The following THRB variants were observed in gnomAD, a reference collection of about 807,000 sequenced individuals.
THRB encodes the protein thyroid hormone receptor beta.
In THRB, 12 loss-of-function variants were observed where a neutral mutation model predicts 47.8. The ratio of observed to expected loss-of-function variants is 0.25; its 90% confidence interval spans 0.16 to 0.41. THRB has a LOEUF of 0.41. THRB is among the 10% of genes least tolerant of loss of function. The pLI is 1.00. For synonymous variants in THRB, 218 were observed against 212.2 expected (o/e 1.03, Z -0.24); for missense variants, 348 against 589.2 (o/e 0.59, Z 4.24).
rs757297591 is a variant in THRB at position 24,165,148 on chromosome 3, C to G, written c.284-12658G>C. The G allele has an allele frequency of 2.1e-5, 16 of 764,966 alleles. No homozygotes were observed. The East Asian group carries it at 3.9e-4, about 19-fold the overall frequency. 47.4% of individuals were successfully genotyped at this position (764,966 alleles called of 1,614,324 possible). ...CCAAGTCAGAGTCCTTGCTTTTAAA[C>G]ATGTTTCCAGGGTAACTACAGGTAT... On this transcript the variant is annotated intron_variant, in intron 5 of 10. Transcript: ENST00000646209.
intron 1 of THRB, among the ~76,000 whole-genome samples, chr3:24,395,617 T>C (rs2066898785): frequency 6.6e-6 from 1 of 151,946 alleles, no homozygotes; most frequent in Non-Finnish European, 1.5e-5. Context: ...TAAAAACAAG[T>C]GTTGGCAAGG....
intron 1 of THRB, among the ~76,000 whole-genome samples, chr3:24,410,124 C>G (rs2068160315): frequency 6.6e-6 from 1 of 151,780 alleles, no homozygotes; most frequent in Non-Finnish European, 1.5e-5. Context: ...CTATGCCTTT[C>G]TTGATAAGCC....
intron 1 of THRB, among the ~76,000 whole-genome samples, chr3:24,438,411 A>T (rs2071187535): frequency 6.6e-6 from 1 of 152,152 alleles, no homozygotes; most frequent in Non-Finnish European, 1.5e-5. Context: ...TAACCTGAAA[A>T]GCCCCTAGAA....
chr3:24,132,104 T>G (rs1047786015), intron 9 of THRB, among the ~76,000 whole-genome samples: 1 of 152,102 alleles, frequency 6.6e-6, no homozygotes, highest in African/African-American at 2.4e-5. Context: ...TATTGCAAAC[T>G]CAAAGACAGA....
At chr3:24,245,449 T>G (rs1292339853) in intron 3 of THRB, among the ~76,000 whole-genome samples, 4 of 152,078 alleles carry the variant, frequency 2.6e-5, no homozygotes, top group Admixed American at 6.6e-5. Flanking sequence ...CAATTCTAAT[T>G]AGGGGAGGCT....
intron 3 of THRB, among the ~76,000 whole-genome samples, chr3:24,276,144 T>C (rs2053893384): frequency 6.6e-6 from 1 of 152,128 alleles, no homozygotes; most frequent in African/African-American, 2.4e-5. Context: ...TAAACATCTA[T>C]TGTGTATGGC....
chr3:24,192,082 A>T (rs541862128), intron 4 of THRB, among the ~76,000 whole-genome samples: 1 of 152,196 alleles, frequency 6.6e-6, no homozygotes, highest in East Asian at 1.9e-4. Context: ...ATTGCATGGT[A>T]AATCAAAAAG....
chr3:24,405,641 T>C (rs956696972), intron 1 of THRB, among the ~76,000 whole-genome samples: 19 of 151,880 alleles, frequency 1.3e-4, no homozygotes, highest in Non-Finnish European at 2.1e-4. Context: ...AGCAACTTGA[T>C]CAAGTCTTTT....
chr3:24,231,664 C>G (rs763745692), intron 3 of THRB, among the ~76,000 whole-genome samples: 5 of 151,940 alleles, frequency 3.3e-5, no homozygotes, highest in African/African-American at 4.8e-5. Flanking sequence ...CAATGTAATT[C>G]CAGTAAAGCT....
intron 3 of THRB, among the ~76,000 whole-genome samples, chr3:24,232,983 T>C (rs184355243): frequency 1.3e-5 from 2 of 152,274 alleles, no homozygotes; most frequent in African/African-American, 4.8e-5. Flanking sequence ...ACAGATGCCA[T>C]GTGCCAAGGG....
intron 5 of THRB, among the ~76,000 whole-genome samples, chr3:24,161,829 C>A (rs2038888189): frequency 8.3e-6 from 1 of 120,956 alleles, no homozygotes; most frequent in African/African-American, 3.0e-5. Context: ...CCCTCCCCCA[C>A]CCCCACCCCC....
chr3:24,251,010 G>A (rs543084438), intron 3 of THRB, among the ~76,000 whole-genome samples: 126 of 151,378 alleles, frequency 8.3e-4, no homozygotes, highest in African/African-American at 2.8e-3. Context: ...ACTTAACTTA[G>A]AAACTAAATA....
At chr3:24,462,788 A>G (rs1454008480) in intron 1 of THRB, among the ~76,000 whole-genome samples, 1 of 152,220 alleles carries the variant, frequency 6.6e-6, no homozygotes, top group Non-Finnish European at 1.5e-5. Context: ...GGTGCTTTTC[A>G]AATGGCATTG....
At chr3:24,390,986 A>G (rs1296089675) in intron 1 of THRB, among the ~76,000 whole-genome samples, 1 of 152,066 alleles carries the variant, frequency 6.6e-6, no homozygotes, top group Non-Finnish European at 1.5e-5. Flanking sequence ...GTGAAAAAGC[A>G]AAGCTGAATC....
rs9823264 is a variant in THRB at position 24,230,702 on chromosome 3, T to A, written c.-42-1701A>T. On this transcript the variant is annotated intron_variant, in intron 3 of 10. Coordinates refer to ENST00000646209, the MANE Select transcript of THRB (RefSeq NM_001354712.2). ...CCCTCTGAACCCATGGAAGCTGCCA[T>A]GTTTTCACATGCTACCACTCCTGAA... Among the ~76,000 whole-genome samples the A allele has an allele frequency of 9.7e-3, 1,481 of 152,254 alleles. 23 individuals carry two copies. The highest frequency in any genetic ancestry group is 0.034 in the Middle Eastern group (10 of 294).
intron 5 of THRB, among the ~76,000 whole-genome samples, chr3:24,188,832 C>G (rs1219326424): frequency 8.1e-6 from 1 of 123,584 alleles, no homozygotes; most frequent in Non-Finnish European, 1.6e-5. Context: ...TTCTATATAG[C>G]CCTTTCAATT....
chr3:24,160,810 G>C (rs749185564), intron 5 of THRB, among the ~76,000 whole-genome samples: 1 of 152,210 alleles, frequency 6.6e-6, no homozygotes, highest in Non-Finnish European at 1.5e-5. Context: ...TATCCATGGA[G>C]GCATGTGAGG....
chr3:24,225,536 A>G (rs1413721607), intron 4 of THRB, among the ~76,000 whole-genome samples: 1 of 152,196 alleles, frequency 6.6e-6, no homozygotes, highest in African/African-American at 2.4e-5. Flanking sequence ...AATATCATAC[A>G]GCCAGGTTCA....
chr3:24,486,415 T>C (rs1318921871), intron 1 of THRB: 2 of 152,232 alleles, frequency 1.3e-5, no homozygotes, highest in Non-Finnish European at 2.9e-5. Context: ...TGTCTGGCAC[T>C]TGGCAGATGT....
Sources: allele counts gnomAD v4.1 joint callset (sites outside exome capture counted in the v4.1 genomes callset), GRCh38; gene constraint gnomAD v4.1.1; transcripts MANE v1.5; gene names NCBI Gene and HGNC (gene_info 2026-07-23, HGNC 2026-07-21).